The following TANC1 variants were observed in gnomAD, a reference collection of about 807,000 sequenced individuals.
TANC1 encodes the protein protein TANC1.
A neutral mutation model predicts 149.7 loss-of-function variants in TANC1; 77 were observed. That is an observed-to-expected ratio of 0.51 (90% CI 0.43 to 0.62). The LOEUF is 0.62. TANC1 is among the 20% of genes least tolerant of loss of function. TANC1 has a pLI of 0.00. For missense variants in TANC1, 1,985 were observed against 2,321.8 expected, an observed-to-expected ratio of 0.85 and a Z score of 2.98; for synonymous variants, 854 against 925.0, an observed-to-expected ratio of 0.92 and a Z score of 1.39.
intron 2 of TANC1, among the ~76,000 whole-genome samples, chr2:159,010,063 A>G (rs2037602826): frequency 6.6e-6 from 1 of 152,224 alleles, no homozygotes. Context: ...GTGGGCAGAT[A>G]TTAAAGAACC....
At chr2:159,068,987 C>T (rs1453221644) in intron 3 of TANC1, among the ~76,000 whole-genome samples, 4 of 152,168 alleles carry the variant, frequency 2.6e-5, no homozygotes, top group African/African-American at 9.7e-5. Context: ...GTGATCCACT[C>T]GCCTCGGCCT....
intron 16 of TANC1, among the ~76,000 whole-genome samples, chr2:159,189,368 C>A (rs950889683): frequency 3.9e-5 from 6 of 152,184 alleles, no homozygotes; most frequent in Admixed American, 1.3e-4. Context: ...ACAGCCCAGG[C>A]TGGGCATGCA....
At chr2:159,003,230 C>G (rs995567100) in intron 2 of TANC1, among the ~76,000 whole-genome samples, 1 of 152,138 alleles carries the variant, frequency 6.6e-6, no homozygotes, top group Admixed American at 6.5e-5. Flanking sequence ...CTTTTCTGCC[C>G]CTTTTCACCA....
At chr2:159,018,778 G>GTT (rs1485073924) in intron 2 of TANC1, among the ~76,000 whole-genome samples, 41 of 152,154 alleles carry the variant, frequency 2.7e-4, no homozygotes, top group Admixed American at 2.3e-3. Flanking sequence ...TAATTCTTAA[G>GTT]TTGTATCTGT....
intron 2 of TANC1, among the ~76,000 whole-genome samples, chr2:159,015,419 C>T (rs1187102727): frequency 6.6e-6 from 1 of 152,196 alleles, no homozygotes; most frequent in Non-Finnish European, 1.5e-5. Flanking sequence ...TCCTAGGCCT[C>T]TGGGCCTGTG....
At chr2:159,207,183 T>C (rs1408069895) in intron 19 of TANC1, among the ~76,000 whole-genome samples, 1 of 152,218 alleles carries the variant, frequency 6.6e-6, no homozygotes, top group Non-Finnish European at 1.5e-5. Flanking sequence ...CATGGCATAC[T>C]AAATTGAGCT....
Position 159,224,368 on chromosome 2 carries a change from A to G in TANC1, c.3811+4A>G. Reference sequence around the variant, plus strand: ...CTCAGAAAGGGAGCCAAGTTAGGTCAGTGAGCACTGCCTCCATTGAGCAGG... The same window carrying G: ...CTCAGAAAGGGAGCCAAGTTAGGTCGGTGAGCACTGCCTCCATTGAGCAGG... On this transcript the variant is annotated splice_donor_region_variant and intron_variant, in intron 23 of 26. Transcript: ENST00000263635. The G allele has an allele frequency of 6.2e-7, 1 of 1,614,116 alleles. No individual in the cohort carries two copies.
Position 159,097,785 on chromosome 2 carries a change from G to A in TANC1, c.210G>A (p.Leu70=). The A allele has an allele frequency of 6.2e-7, 1 of 1,613,960 alleles. No individual in the cohort carries two copies. The highest frequency in any genetic ancestry group is 8.5e-7 in the Non-Finnish European group (1 of 1,180,000). ...TGTCTCTGCCTTCCTCACCTTTGCT[G>A]CCTCGACAGTCTCACTTGGTGCAAT... ...VSMSLPSSPL[L]PRQSHLVQSR... The change falls in exon 4 of 27, where the codon CTG becomes CTA. Residue 70 remains leucine (L), a synonymous_variant. Transcript: ENST00000263635.
chr2:159,018,991 G>A lies in TANC1; in HGVS notation c.-16+17802G>A, dbSNP rs532197037. Among the ~76,000 whole-genome samples, 11 of 152,286 alleles carry A rather than the reference G, an allele frequency of 7.2e-5. No individual in the cohort carries two copies. The East Asian group carries it at 1.3e-3, about 19-fold the overall frequency. ...CATTTATTTCCTATATGTGTATCAGGCACAGCTCTGAGCACTTTGCAGATA... is the reference window on the plus strand; with the variant it reads ...CATTTATTTCCTATATGTGTATCAGACACAGCTCTGAGCACTTTGCAGATA... On this transcript the variant is annotated intron_variant, in intron 2 of 26. Transcript: ENST00000263635.
chr2:159,028,438 A>T (rs1028276368), intron 2 of TANC1, among the ~76,000 whole-genome samples: 3 of 152,140 alleles, frequency 2.0e-5, no homozygotes, highest in African/African-American at 7.2e-5. Flanking sequence ...TACTGTTTAT[A>T]CTTCTCTTGT....
Position 159,024,221 on chromosome 2 carries a change from T to C in TANC1, c.-16+23032T>C, listed in dbSNP as rs527499419. ...ATGCAATGGCAGTCCCGTAAGATTA[T>C]AATAGGAACTGGAAAATCCCTATTG... On this transcript the variant is annotated intron_variant, in intron 2 of 26. Transcript: ENST00000263635. 1.7e-4 allele frequency among the ~76,000 whole-genome samples: 26 copies of C among 152,378 alleles called. No homozygotes were observed. In the South Asian group the frequency reaches 5.4e-3, roughly 32 times the overall value.
chr2:159,086,078 G>A (rs1398993072), intron 3 of TANC1, among the ~76,000 whole-genome samples: 4 of 152,218 alleles, frequency 2.6e-5, no homozygotes, highest in Middle Eastern at 6.8e-3. Context: ...GCACAGCTCC[G>A]GGGGCACTAT....
chr2:159,098,529 C>T (rs917387012), intron 4 of TANC1, among the ~76,000 whole-genome samples: 1 of 152,160 alleles, frequency 6.6e-6, no homozygotes, highest in African/African-American at 2.4e-5. Flanking sequence ...CAAATGTCAT[C>T]TGACAATAGT....
At chr2:159,136,142 CTTTG>C (rs2050720177) in intron 4 of TANC1, 48 bp from the exon 5 acceptor site, 1 of 1,100,900 alleles carries the variant, frequency 9.1e-7, no homozygotes. Flanking sequence ...CATTCCAAGG[CTTTG>C]TTTGCATCTG....
chr2:159,017,692 C>A (rs2149407242), intron 2 of TANC1, among the ~76,000 whole-genome samples: 1 of 134,590 alleles, frequency 7.4e-6, no homozygotes, highest in Admixed American at 7.1e-5. Flanking sequence ...ACAACAACAA[C>A]AAAATATATA....
chr2:159,224,083 T>G, intron 22 of TANC1, 149 bp from the exon 23 acceptor site: 1 of 929,630 alleles, frequency 1.1e-6, no homozygotes, highest in Non-Finnish European at 1.6e-6. Context: ...CTCTTCTCTG[T>G]TTCGTGTCCA....
intron 2 of TANC1, among the ~76,000 whole-genome samples, chr2:159,021,213 CTT>C (rs141301513): frequency 6.6e-6 from 1 of 150,984 alleles, no homozygotes; most frequent in Non-Finnish European, 1.5e-5. Context: ...GAATTTTAAA[CTT>C]TTTTTTTAAT....
intron 3 of TANC1, among the ~76,000 whole-genome samples, chr2:159,087,651 G>C (rs185006105): frequency 5.9e-5 from 9 of 151,818 alleles, no homozygotes; most frequent in African/African-American, 2.2e-4. Context: ...GGGATTACAG[G>C]TGTGAGCCAC....
At chr2:159,148,910 T>G (rs2052459135) in intron 5 of TANC1, 1 of 403,080 alleles carries the variant, frequency 2.5e-6, no homozygotes, top group Non-Finnish European at 4.4e-6. Flanking sequence ...AACACTGGGC[T>G]CTTCTCACTC....
Sources: gnomAD v4.1 joint callset for allele counts (sites outside exome capture counted in the v4.1 genomes callset) on GRCh38, gnomAD v4.1.1 for gene constraint, MANE v1.5 for transcripts, NCBI Gene and HGNC (gene_info 2026-07-23, HGNC 2026-07-21) for gene names.